THSD4: variants seen among roughly 807,000 people sequenced by gnomAD.
THSD4 encodes thrombospondin type 1 domain containing 4.
A neutral mutation model predicts 119.0 loss-of-function variants in THSD4; 69 were observed. That is an observed-to-expected ratio of 0.58 (90% confidence interval 0.48 to 0.71). The LOEUF (loss-of-function observed/expected upper bound fraction) is 0.71. Ranked by LOEUF, THSD4 falls within the 30% of genes least tolerant of loss-of-function variation. The probability of loss-of-function intolerance (pLI) is 0.00; values close to 1 mark genes in which losing one functional copy is unlikely to be tolerated. For synonymous variants in THSD4, 524 were observed against 540.4 expected, an observed-to-expected ratio of 0.97 and a Z score of 0.42; for missense variants, 1,393 against 1,391.1, an observed-to-expected ratio of 1.00 and a Z score of -0.02.
intron 7 of THSD4, among the ~76,000 whole-genome samples, chr15:71,633,669 G>C (rs1452685534): frequency 5.9e-5 from 9 of 152,052 alleles, no homozygotes; most frequent in Admixed American, 2.6e-4. Flanking sequence ...TTGTCTTTCA[G>C]TTCATTTAGT....
At chr15:71,441,743 C>T (rs186668117) in intron 7 of THSD4, among the ~76,000 whole-genome samples, 9 of 152,064 alleles carry the variant, frequency 5.9e-5, no homozygotes, top group African/African-American at 1.9e-4. Flanking sequence ...GGACTTACTA[C>T]CCTGCCTCTC....
Position 71,291,329 on chromosome 15 carries a change from G to T in THSD4, c.1015+34614G>T, listed in dbSNP as rs960860468. 2.0e-5 allele frequency among the ~76,000 whole-genome samples: 3 copies of T among 152,120 alleles called. 1 individual carries two copies. The highest frequency in any genetic ancestry group is 4.1e-4 in the South Asian group (2 of 4,822). ...CAATAGTATGCATATATAGAAATAG[G>T]TTCATTATAAGGAACAGGCTCACAT... On this transcript the variant is annotated intron_variant, in intron 6 of 17. Coordinates refer to ENST00000261862, the MANE Select transcript of THSD4 (RefSeq NM_024817.3).
In THSD4 at chr15:71,394,761, G is replaced by T. The variant is rs547147979; in HGVS notation, c.1016-16926G>T. ...CCCTGGACTAAGTCGTTTCTCTATT[G>T]TATATGCCCTGGGAGACTTTGCCAT... On this transcript the variant is annotated intron_variant, in intron 6 of 17. Transcript: ENST00000261862. Among the ~76,000 whole-genome samples the T allele has an allele frequency of 6.6e-5, 10 of 152,310 alleles. No individual in the cohort carries two copies. In the South Asian group the frequency reaches 2.1e-3, roughly 32 times the overall value.
chr15:71,231,362 G>A (rs1265508809), intron 4 of THSD4, among the ~76,000 whole-genome samples: 1 of 152,126 alleles, frequency 6.6e-6, no homozygotes, highest in Non-Finnish European at 1.5e-5. Context: ...ATCCTGGGAG[G>A]CTGACGGGTG....
At chr15:71,329,428 C>CTT (rs1484030332) in intron 6 of THSD4, among the ~76,000 whole-genome samples, 1 of 152,170 alleles carries the variant, frequency 6.6e-6, no homozygotes, top group Non-Finnish European at 1.5e-5. Flanking sequence ...ACCCACACTG[C>CTT]TTATAACTTC....
At chr15:71,664,084 G>A (rs1422077414) in intron 8 of THSD4, among the ~76,000 whole-genome samples, 4 of 151,902 alleles carry the variant, frequency 2.6e-5, no homozygotes, top group African/African-American at 7.2e-5. Context: ...CCGGGTTCAC[G>A]CCATTCTCCT....
At chr15:71,390,799 G>C (rs772660820) in intron 6 of THSD4, among the ~76,000 whole-genome samples, 2 of 140,422 alleles carry the variant, frequency 1.4e-5, no homozygotes, top group African/African-American at 5.2e-5. Flanking sequence ...AAGAAAATTT[G>C]TCTCTTTTTC....
chr15:71,482,872 C>T (rs1191286949), intron 7 of THSD4, among the ~76,000 whole-genome samples: 3 of 152,182 alleles, frequency 2.0e-5, no homozygotes, highest in Non-Finnish European at 2.9e-5. Context: ...CAGGCATGAG[C>T]CACCACGCCT....
rs189277615 is a variant in THSD4 at position 71,530,274 on chromosome 15, T to C, written c.1152+118451T>C. ...GGGGCCAGCACACTCAGTGCCAAGA[T>C]TGGGGCTGGTTCCAGCAAGTTGAGG... On this transcript the variant is annotated intron_variant, in intron 7 of 17. Coordinates refer to ENST00000261862, the MANE Select transcript of THSD4 (RefSeq NM_024817.3). Among the ~76,000 whole-genome samples the C allele has an allele frequency of 1.6e-3, 250 of 152,222 alleles. 2 individuals carry two copies. The highest frequency in any genetic ancestry group is 5.6e-3 in the African/African-American group (232 of 41,538).
intron 6 of THSD4, among the ~76,000 whole-genome samples, chr15:71,332,497 G>C (rs965483239): frequency 6.6e-6 from 1 of 152,182 alleles, no homozygotes; most frequent in Non-Finnish European, 1.5e-5. Context: ...AGGAGAAAAG[G>C]ACTCTGCTCC....
intron 7 of THSD4, among the ~76,000 whole-genome samples, chr15:71,485,798 G>A (rs1013041436): frequency 2.6e-5 from 4 of 152,126 alleles, no homozygotes; most frequent in Non-Finnish European, 5.9e-5. Flanking sequence ...TAAAATTAGT[G>A]GCCGTGTATA....
chr15:71,217,107 T>A (rs1389189160), intron 4 of THSD4, among the ~76,000 whole-genome samples: 1 of 152,208 alleles, frequency 6.6e-6, no homozygotes, highest in East Asian at 1.9e-4. Flanking sequence ...CATAGTCCCT[T>A]ATCTGAAATG....
chr15:71,610,414 A>G (rs4777416), intron 7 of THSD4, among the ~76,000 whole-genome samples: 105,930 of 151,920 alleles, frequency 0.7, 37,724 homozygotes, highest in East Asian at 0.99. Flanking sequence ...GGGAACTGCA[A>G]TTCTTAGGAA....
rs913570480 is a variant in THSD4 at position 71,772,790 on chromosome 15, T to G, written c.2914+1582T>G. On this transcript the variant is annotated intron_variant, in intron 17 of 17. Coordinates refer to ENST00000261862, the MANE Select transcript of THSD4 (RefSeq NM_024817.3). Reference sequence around the variant, plus strand: ...TGATAAAGGGGGAATGATAAGTAAGTGGGGAGAGGAGAGGCTTCCATTGTA... The same window carrying G: ...TGATAAAGGGGGAATGATAAGTAAGGGGGGAGAGGAGAGGCTTCCATTGTA... Among the ~76,000 whole-genome samples, 10 of 152,140 alleles carry G rather than the reference T, an allele frequency of 6.6e-5. No individual in the cohort carries two copies. The South Asian group carries it at 1.2e-3, about 19-fold the overall frequency.
At chr15:71,536,630 CATG>C (rs1339160987) in intron 7 of THSD4, among the ~76,000 whole-genome samples, 1 of 152,108 alleles carries the variant, frequency 6.6e-6, no homozygotes, top group Non-Finnish European at 1.5e-5. Context: ...TGGTGTGCCA[CATG>C]ATGTTTTGGG....
chr15:71,124,976 A>C (rs1384580800), intron 1 of THSD4, among the ~76,000 whole-genome samples: 2 of 151,936 alleles, frequency 1.3e-5, no homozygotes, highest in African/African-American at 4.8e-5. Flanking sequence ...GGGAGGCTAA[A>C]GTAGGAGAAT....
intron 4 of THSD4, among the ~76,000 whole-genome samples, chr15:71,233,079 ATG>A: frequency 6.6e-6 from 1 of 152,228 alleles, no homozygotes; most frequent in Non-Finnish European, 1.5e-5. Context: ...CCGCCTCGGT[ATG>A]AGCTTGATGC....
chr15:71,143,691 T>C (rs1480087408), intron 2 of THSD4, among the ~76,000 whole-genome samples: 1 of 142,934 alleles, frequency 7.0e-6, no homozygotes, highest in East Asian at 1.9e-4. Context: ...CTTTCTTTTT[T>C]TTTTCTTTCT....
chr15:71,298,552 C>T (rs908362256), intron 6 of THSD4, among the ~76,000 whole-genome samples: 1 of 151,650 alleles, frequency 6.6e-6, no homozygotes, highest in Admixed American at 6.6e-5. Context: ...CTAGTCCCCC[C>T]CTTAGATATT....
Sources: allele counts gnomAD v4.1 joint callset (sites outside exome capture counted in the v4.1 genomes callset), GRCh38; gene constraint gnomAD v4.1.1; transcripts MANE v1.5; gene names NCBI Gene and HGNC (gene_info 2026-07-23, HGNC 2026-07-21).